RAVER2: variants seen among roughly 807,000 people sequenced by gnomAD.
The protein encoded by RAVER2 is ribonucleoprotein PTB-binding 2.
RAVER2 carries 46 observed loss-of-function variants against 78.1 expected under a neutral mutation model. That is an observed-to-expected ratio of 0.59 (90% CI 0.46 to 0.75). RAVER2 has a LOEUF of 0.75. RAVER2 is among the 30% of genes least tolerant of loss of function. RAVER2 has a pLI of 0.00. For missense variants in RAVER2, 793 were observed against 837.5 expected (o/e 0.95, Z 0.66); for synonymous variants, 311 against 313.3 (o/e 0.99, Z 0.08).
intron 1 of RAVER2, among the ~76,000 whole-genome samples, chr1:64,755,767 G>T (rs1345886503): frequency 1.8e-5 from 2 of 113,050 alleles, no homozygotes; most frequent in African/African-American, 7.2e-5. Context: ...GCCAGAACTA[G>T]AGTAGAAAGT....
chr1:64,792,000 C>T (rs1049614481), intron 5 of RAVER2, among the ~76,000 whole-genome samples: 26 of 151,900 alleles, frequency 1.7e-4, no homozygotes, highest in African/African-American at 6.3e-4. Flanking sequence ...TGAGCAGAGC[C>T]CCAGTATATA....
intron 2 of RAVER2, among the ~76,000 whole-genome samples, chr1:64,775,403 T>C (rs1652432880): frequency 6.6e-6 from 1 of 152,212 alleles, no homozygotes; most frequent in South Asian, 2.1e-4. Flanking sequence ...TTGTGAGCTC[T>C]GTGTTGAAAG....
chr1:64,822,283 G>A (rs937083705), intron 11 of RAVER2, among the ~76,000 whole-genome samples: 2 of 152,184 alleles, frequency 1.3e-5, no homozygotes, highest in African/African-American at 2.4e-5. Context: ...GCGAGACTCC[G>A]TCTCAAAAAC....
chr1:64,752,678 C>T (rs1303141581), intron 1 of RAVER2, among the ~76,000 whole-genome samples: 2 of 152,138 alleles, frequency 1.3e-5, no homozygotes, highest in East Asian at 1.9e-4. Context: ...CCAAAGAACA[C>T]AGTTCTTCCC....
At chr1:64,789,856 A>G (rs1017076456) in intron 5 of RAVER2, among the ~76,000 whole-genome samples, 3 of 152,108 alleles carry the variant, frequency 2.0e-5, no homozygotes, top group African/African-American at 7.2e-5. Context: ...AAGAATTAAT[A>G]CTCTTCTATG....
intron 4 of RAVER2, among the ~76,000 whole-genome samples, chr1:64,785,649 G>A (rs1652759529): frequency 6.6e-6 from 1 of 152,064 alleles, no homozygotes; most frequent in Admixed American, 6.6e-5. Flanking sequence ...GATTACAGGA[G>A]TGAGCCACCA....
chr1:64,789,190 T>A (rs12029604), intron 4 of RAVER2, among the ~76,000 whole-genome samples, 198 bp from the exon 5 acceptor site: 7,212 of 152,264 alleles, frequency 0.047, 405 homozygotes, highest in East Asian at 0.27. Flanking sequence ...ACCTGAGACG[T>A]TCTATGAGGA....
At position 64,807,429 on chromosome 1, in the gene RAVER2, TA is replaced by T. The variant is rs1248620256; in HGVS notation, c.1637del (p.Lys546SerfsTer12). The T allele has an allele frequency of 6.2e-7, 1 of 1,614,018 alleles. No homozygotes were observed. The stretch of plus-strand genomic sequence containing the variant: ...CTGGAAGCTTGCTGGTGGGACACCA[TA>T]AGCAGCAGCAAAGCCAGCCAAAAGG... On this transcript the variant is annotated frameshift_variant, in exon 9 of 12. Coordinates refer to ENST00000294428, the Ensembl canonical transcript of RAVER2. LOFTEE classifies it high-confidence loss of function.
At chr1:64,809,733 C>A (rs936260039) in intron 9 of RAVER2, among the ~76,000 whole-genome samples, 2 of 152,144 alleles carry the variant, frequency 1.3e-5, no homozygotes, top group African/African-American at 4.8e-5. Flanking sequence ...CATACTGAAA[C>A]CTGTACCTGT....
chr1:64,767,231 T>A (rs1330308149), intron 1 of RAVER2, among the ~76,000 whole-genome samples: 1 of 152,072 alleles, frequency 6.6e-6, no homozygotes, highest in East Asian at 1.9e-4. Context: ...ATTATCCATT[T>A]CTATATTACT....
intron 9 of RAVER2, among the ~76,000 whole-genome samples, chr1:64,810,213 A>ATTTTCCAACATCCTTGCC (rs940671623): frequency 1.3e-5 from 2 of 152,142 alleles, no homozygotes; most frequent in African/African-American, 4.8e-5. Flanking sequence ...AGGGATTCTA[A>ATTTTCCAACATCCTTGCC]TTTTCCAACA....
At chr1:64,777,059 A>G (rs1420320822) in intron 2 of RAVER2, among the ~76,000 whole-genome samples, 3 of 152,174 alleles carry the variant, frequency 2.0e-5, no homozygotes, top group Admixed American at 2.0e-4. Flanking sequence ...TGTTATGTCA[A>G]TCTAATCTGA....
chr1:64,783,487 G>C (rs1272429117), intron 4 of RAVER2, among the ~76,000 whole-genome samples: 2 of 152,186 alleles, frequency 1.3e-5, no homozygotes, highest in South Asian at 2.1e-4. Context: ...GACCAGTGAT[G>C]ATGAGCATTT....
intron 5 of RAVER2, among the ~76,000 whole-genome samples, chr1:64,794,948 A>G (rs1175293946): frequency 6.6e-6 from 1 of 152,010 alleles, no homozygotes; most frequent in Non-Finnish European, 1.5e-5. Context: ...TATAATTTTT[A>G]TCCCTATATT....
chr1:64,815,831 A>G (rs1653743505), intron 11 of RAVER2: 1 of 152,220 alleles, frequency 6.6e-6, no homozygotes, highest in Non-Finnish European at 1.5e-5. Context: ...GACAAGACGG[A>G]AAAATATGGG....
At chr1:64,811,148 A>G (rs1294472731) in intron 9 of RAVER2, among the ~76,000 whole-genome samples, 1 of 152,182 alleles carries the variant, frequency 6.6e-6, no homozygotes, top group African/African-American at 2.4e-5. Context: ...GTAAACCAAA[A>G]TAAAGATGCA....
chr1:64,795,436 A>G lies in RAVER2; in HGVS notation c.1105+5922A>G, dbSNP rs562405373. Among the ~76,000 whole-genome samples, 4 of 152,254 alleles carry G rather than the reference A, an allele frequency of 2.6e-5. No homozygotes were observed. In the South Asian group the frequency reaches 8.3e-4, roughly 32 times the overall value. ...ACAACAATTCTGAGGCTTCTGATCC[A>G]TAAGTATGGTATATCTTTTCAATTA... On this transcript the variant is annotated intron_variant, in intron 5 of 11. Transcript: ENST00000294428.
chr1:64,805,547 A>G (rs1421255773), intron 8 of RAVER2, among the ~76,000 whole-genome samples: 1 of 152,228 alleles, frequency 6.6e-6, no homozygotes, highest in Non-Finnish European at 1.5e-5. Context: ...ATCAGTAGTC[A>G]AAACTAATGT....
Position 64,787,073 on chromosome 1 carries a change from A to G in RAVER2, c.979-2315A>G, listed in dbSNP as rs565045390. 2.6e-5 allele frequency among the ~76,000 whole-genome samples: 4 copies of G among 152,188 alleles called. No individual in the cohort carries two copies. The East Asian group carries it at 5.8e-4, about 22-fold the overall frequency. On this transcript the variant is annotated intron_variant, in intron 4 of 11. Coordinates refer to ENST00000294428, the Ensembl canonical transcript of RAVER2. Reference sequence around the variant, plus strand: ...TGTTTTTCATAATCTAGCATTTCTCATTGGTTATTCTTTAAAAACTGCTTG... The same window carrying G: ...TGTTTTTCATAATCTAGCATTTCTCGTTGGTTATTCTTTAAAAACTGCTTG...
Sources: gnomAD v4.1 joint callset for allele counts (sites outside exome capture counted in the v4.1 genomes callset) on GRCh38, gnomAD v4.1.1 for gene constraint, MANE v1.5 for transcripts, NCBI Gene and HGNC (gene_info 2026-07-23, HGNC 2026-07-21) for gene names.